Variants in LEPR observed in about 807,000 individuals in gnomAD.
LEPR encodes the protein OB receptor.
Under a neutral mutation model 114.7 loss-of-function variants are expected in LEPR, and 56 were observed. The ratio of observed to expected loss-of-function variants is 0.49; its 90% CI spans 0.39 to 0.61. The LOEUF (loss-of-function observed/expected upper bound fraction) is 0.61, where lower values mean the gene tolerates loss of function less well. LEPR is among the 20% of genes least tolerant of loss of function. The pLI is 0.00. For synonymous variants in LEPR, 443 were observed against 461.4 expected, an observed-to-expected ratio of 0.96 and a Z score of 0.51; for missense variants, 1,202 against 1,352.9, an observed-to-expected ratio of 0.89 and a Z score of 1.75.
intron 18 of LEPR, 27 bp from the exon 19 acceptor site, chr1:65,622,879 T>C (rs765565705): frequency 6.2e-7 from 1 of 1,612,390 alleles, no homozygotes; most frequent in Admixed American, 1.7e-5. Context: ...TTTTCTCTAA[T>C]TTTGATGCCC....
Position 65,633,057 on chromosome 1 carries a change from C to T in LEPR, c.2674-3134C>T, listed in dbSNP as rs2101041406. ...AACACAAAAATTTATAGTCCAGAAC[C>T]CATGCTTGACAATGTTTTTTGAAAT... is the stretch of plus-strand genomic sequence containing the variant. On this transcript the variant is annotated intron_variant, in intron 19 of 19. Coordinates refer to ENST00000349533, the MANE Select transcript of LEPR (RefSeq NM_002303.6). The surrounding 1 kb of genome is among the most constrained non-coding windows in gnomAD (Gnocchi z 4.1). 5 of 991,412 alleles carry T rather than the reference C, an allele frequency of 5.0e-6. No individual in the cohort carries two copies. Among genetic ancestry groups the T allele is most frequent in the South Asian group, 1.4e-5 (1 of 73,164 alleles). The allele number at this position is 991,412 out of a possible 1,614,324, so 61.4% of individuals were successfully genotyped here.
chr1:65,569,453 T>A lies in LEPR; in HGVS notation c.41-1020T>A, dbSNP rs529450353. Among the ~76,000 whole-genome samples, 5 of 152,314 alleles carry A rather than the reference T, an allele frequency of 3.3e-5. No homozygotes were observed. The East Asian group carries it at 9.6e-4, about 29-fold the overall frequency. ...TGGGTGCAGTGGCTCATGCCTGTAA[T>A]CCCAGCACTTTGGGAGACCAAGGTG... On this transcript the variant is annotated intron_variant, in intron 3 of 19. Transcript: ENST00000349533.
At chr1:65,507,725 A>C (rs1375643841) in intron 2 of LEPR, among the ~76,000 whole-genome samples, 1 of 152,040 alleles carries the variant, frequency 6.6e-6, no homozygotes, top group East Asian at 1.9e-4. Context: ...CTAGATCATA[A>C]GGTAAATCTA....
chr1:65,510,983 AC>A (rs1194707767), intron 2 of LEPR, among the ~76,000 whole-genome samples: 1 of 152,166 alleles, frequency 6.6e-6, no homozygotes, highest in Non-Finnish European at 1.5e-5. Context: ...ACTGCACCCC[AC>A]CCTGGGTGAC....
intron 19 of LEPR, among the ~76,000 whole-genome samples, chr1:65,632,649 A>G (rs766151888): frequency 6.6e-6 from 1 of 152,170 alleles, no homozygotes; most frequent in Admixed American, 6.6e-5. Flanking sequence ...AAAGGGAGAC[A>G]CTTGGACCAT....
chr1:65,548,997 A>C (rs1374597022), intron 2 of LEPR, among the ~76,000 whole-genome samples: 1 of 152,056 alleles, frequency 6.6e-6, no homozygotes, highest in Non-Finnish European at 1.5e-5. Flanking sequence ...CTTTCAGGGC[A>C]GGCCTGGTGG....
intron 1 of LEPR, among the ~76,000 whole-genome samples, chr1:65,421,763 C>A (rs1350042045): frequency 6.6e-6 from 1 of 151,838 alleles, no homozygotes; most frequent in African/African-American, 2.4e-5. Context: ...AAGCCAATGC[C>A]GAAAACAGAT....
At chr1:65,451,759 G>A (rs1050046055) in intron 2 of LEPR, among the ~76,000 whole-genome samples, 7 of 151,718 alleles carry the variant, frequency 4.6e-5, no homozygotes, top group Middle Eastern at 6.8e-3. Flanking sequence ...TTGGTGATGC[G>A]GGCTCTTTTT....
intron 8 of LEPR, among the ~76,000 whole-genome samples, chr1:65,600,738 C>A (rs117751768): frequency 1.1e-4 from 17 of 152,104 alleles, no homozygotes; most frequent in Middle Eastern, 6.8e-3. Context: ...TTAAAAAAAT[C>A]ATGTTTTAGG....
intron 2 of LEPR, among the ~76,000 whole-genome samples, chr1:65,461,388 G>T (rs1397933183): frequency 1.3e-5 from 2 of 152,124 alleles, no homozygotes; most frequent in East Asian, 1.9e-4. Context: ...AGGTACCAGG[G>T]CATAAGGAAG....
chr1:65,494,899 A>T (rs1017157240), intron 2 of LEPR, among the ~76,000 whole-genome samples: 3 of 152,150 alleles, frequency 2.0e-5, no homozygotes, highest in Non-Finnish European at 4.4e-5. Context: ...CACTAAAAAG[A>T]TAATTATCTC....
chr1:65,466,758 T>C (rs560538691), intron 2 of LEPR, among the ~76,000 whole-genome samples: 96 of 152,304 alleles, frequency 6.3e-4, no homozygotes, highest in South Asian at 1.2e-3. Flanking sequence ...TTGTCTTCTT[T>C]CTTTATTTCA....
intron 2 of LEPR, among the ~76,000 whole-genome samples, chr1:65,554,284 A>G (rs1324094100): frequency 6.6e-6 from 1 of 152,174 alleles, no homozygotes; most frequent in Non-Finnish European, 1.5e-5. Context: ...AGGAATGTTT[A>G]AGTCTGCTGA....
chr1:65,554,577 T>A (rs188283586), intron 2 of LEPR, among the ~76,000 whole-genome samples: 22 of 152,156 alleles, frequency 1.4e-4, no homozygotes, highest in Admixed American at 7.9e-4. Context: ...CAAGCTTGAG[T>A]GTCCCAGGTC....
intron 2 of LEPR, among the ~76,000 whole-genome samples, chr1:65,552,501 G>A (rs1450732797): frequency 6.6e-6 from 1 of 152,084 alleles, no homozygotes; most frequent in Non-Finnish European, 1.5e-5. Context: ...TTTAAAGTCT[G>A]TTTTATCGGA....
rs989201178 is a variant in LEPR, at chr1:65,456,155, C to T, written c.-21+30777C>T. Among the ~76,000 whole-genome samples the T allele has an allele frequency of 3.0e-4, 45 of 152,170 alleles. 1 individual carries two copies. The highest frequency in any genetic ancestry group is 7.0e-4 in the African/African-American group (29 of 41,514). On this transcript the variant is annotated intron_variant, in intron 2 of 19. Coordinates refer to ENST00000349533, the MANE Select transcript of LEPR (RefSeq NM_002303.6). ...CCAGCTTCGGCTCGTGCACGGTGCGCGCACCCATTGACCTGCGCCCACTGT... is the reference window on the plus strand; with the variant it reads ...CCAGCTTCGGCTCGTGCACGGTGCGTGCACCCATTGACCTGCGCCCACTGT...
intron 2 of LEPR, among the ~76,000 whole-genome samples, chr1:65,490,878 C>T (rs746796876): frequency 6.6e-6 from 1 of 152,042 alleles, no homozygotes; most frequent in Non-Finnish European, 1.5e-5. Context: ...CCAGTTTCAA[C>T]TGAGAAGGAG....
rs192378748 is a variant in LEPR, at chr1:65,531,675, G to A, written c.-20-33871G>A. 3.1e-3 allele frequency among the ~76,000 whole-genome samples: 478 copies of A among 152,144 alleles called. 5 individuals carry two copies. The highest frequency in any genetic ancestry group is 0.011 in the African/African-American group (454 of 41,496). On this transcript the variant is annotated intron_variant, in intron 2 of 19. Transcript: ENST00000349533. ...TTTTGGTGATTGAATGCTATTGTTT[G>A]TTCATTTTTATTCCTGGATATATTC...
At chr1:65,632,383 A>G (rs972442322) in intron 19 of LEPR, among the ~76,000 whole-genome samples, 2 of 152,106 alleles carry the variant, frequency 1.3e-5, no homozygotes, top group African/African-American at 4.8e-5. Context: ...CTTGTTCCTT[A>G]TAGCCCTCAG....
Sources: gnomAD v4.1 joint callset for allele counts (sites outside exome capture counted in the v4.1 genomes callset) on GRCh38, gnomAD v4.1.1 for gene constraint, Gnocchi (gnomAD v3.1) non-coding constraint, MANE v1.5 for transcripts, NCBI Gene and HGNC (gene_info 2026-07-23, HGNC 2026-07-21) for gene names.